Variants in ITPRID2 observed in about 807,000 individuals in gnomAD.
ITPRID2 encodes the protein ITPR interacting domain containing 2.
A neutral mutation model predicts 124.3 loss-of-function variants in ITPRID2; 60 were observed. The ratio of observed to expected loss-of-function variants is 0.48; its 90% CI spans 0.39 to 0.60. The LOEUF (loss-of-function observed/expected upper bound fraction) is 0.60, where lower values mean the gene tolerates loss of function less well. Ranked by LOEUF, ITPRID2 falls within the 20% of genes least tolerant of loss-of-function variation. ITPRID2 has a pLI of 0.00. For missense variants in ITPRID2, 1,553 were observed against 1,512.2 expected, an observed-to-expected ratio of 1.03 and a Z score of -0.45; for synonymous variants, 521 against 542.9, an observed-to-expected ratio of 0.96 and a Z score of 0.56.
chr2:181,928,504 C>G (rs1448611173), intron 17 of ITPRID2, among the ~76,000 whole-genome samples: 1 of 152,116 alleles, frequency 6.6e-6, no homozygotes, highest in African/African-American at 2.4e-5. Flanking sequence ...GGTCATTCTA[C>G]TGAAATTTCA....
intron 10 of ITPRID2, 119 bp from the exon 11 acceptor site, chr2:181,915,097 G>T: frequency 8.4e-7 from 1 of 1,185,586 alleles, no homozygotes; most frequent in Non-Finnish European, 1.2e-6. Flanking sequence ...TTGAGCAACA[G>T]CAGGGCCACA....
intron 9 of ITPRID2, among the ~76,000 whole-genome samples, chr2:181,912,471 AATG>A (rs1320128761): frequency 6.6e-6 from 1 of 152,228 alleles, no homozygotes; most frequent in Non-Finnish European, 1.5e-5. Flanking sequence ...TTACTATCAA[AATG>A]ATATTACAAA....
chr2:181,896,144 A>T lies in ITPRID2; in HGVS notation c.307+65A>T, dbSNP rs1459879150. The stretch of plus-strand genomic sequence containing the variant: ...AGTTCTACTTCTTTGTCCTCTGGGT[A>T]AAAGTGTATATATGACTTATAAAAG... On this transcript the variant is annotated intron_variant, in intron 3 of 17. Transcript: ENST00000431877. The surrounding 1 kb of genome is among the most constrained non-coding windows in gnomAD (Gnocchi z 4.3). The T allele has an allele frequency of 7.3e-7, 1 of 1,368,896 alleles. No individual in the cohort carries two copies. Among genetic ancestry groups the T allele is most frequent in the African/African-American group, 1.4e-5 (1 of 69,836 alleles). The allele number at this position is 1,368,896 out of a possible 1,614,324, so 84.8% of individuals were successfully genotyped here. A position where few individuals can be genotyped will look rare whatever the true frequency, so the allele number is the denominator to read the frequency against.
At chr2:181,922,572 A>G (rs918016754) in intron 16 of ITPRID2, among the ~76,000 whole-genome samples, 160 bp downstream of exon 16, 2 of 152,326 alleles carry the variant, frequency 1.3e-5, no homozygotes, top group South Asian at 2.1e-4. Flanking sequence ...GTTTGTGTCA[A>G]TTAAGATATA....
At chr2:181,895,974 C>T in intron 2 of ITPRID2, 56 bp from the exon 3 acceptor site, 1 of 1,491,016 alleles carries the variant, frequency 6.7e-7, no homozygotes, top group Non-Finnish European at 9.3e-7. Context: ...TGTGTAATGA[C>T]AACTTTCCAA....
chr2:181,928,774 A>C (rs536460473), intron 17 of ITPRID2, among the ~76,000 whole-genome samples: 1,903 of 152,062 alleles, frequency 0.013, 21 homozygotes, highest in Non-Finnish European at 0.017. Context: ...TACAGGCGCC[A>C]GCCACTACGC....
chr2:181,907,265 A>G lies in ITPRID2; in HGVS notation c.1414-2634A>G, dbSNP rs575254574. 2.6e-5 allele frequency among the ~76,000 whole-genome samples: 4 copies of G among 152,304 alleles called. No individual in the cohort carries two copies. Among genetic ancestry groups the G allele is most frequent in the Admixed American group, 1.3e-4 (2 of 15,290 alleles). On this transcript the variant is annotated intron_variant, in intron 8 of 17. Coordinates refer to ENST00000431877, the MANE Select transcript of ITPRID2 (RefSeq NM_001130445.3). This position sits in a 1 kb window ranked among gnomAD's most constrained non-coding sequence, Gnocchi z 5.1. ...AAAAAGTACATTTTTTAAACAAGAG[A>G]AAGAAACCAAAGTGAGTGCCTGTCA...
rs1196489596 is a variant in ITPRID2 at position 181,892,190 on chromosome 2, C to T, written c.124C>T (p.Leu42=). The stretch of plus-strand genomic sequence containing the variant: ...CTGGCAAGCGTCGGAGACGGAGGAT[C>T]TGTCCACAGAAGCGACGACGCAGGA... ...SSWQASETED[L]STEATTQDEE... is the part of the protein sequence containing the mutation. Residue 42 remains leucine (L), a synonymous_variant, in exon 1 of 18, where the codon CTG becomes TTG. Coordinates refer to ENST00000431877, the MANE Select transcript of ITPRID2 (RefSeq NM_001130445.3). The surrounding 1 kb of genome is among the most constrained non-coding windows in gnomAD (Gnocchi z 5.2). 1 of 1,553,212 alleles carries T rather than the reference C, an allele frequency of 6.4e-7. No individual in the cohort carries two copies. The highest frequency in any genetic ancestry group is 1.4e-5 in the African/African-American group (1 of 73,204).
rs751752938 is a variant in ITPRID2, at chr2:181,901,927, GC to G, written c.875del (p.Ala292GlufsTer4). The G allele has an allele frequency of 2.3e-5, 37 of 1,613,834 alleles. No homozygotes were observed. The highest frequency in any genetic ancestry group is 2.9e-5 in the Non-Finnish European group (34 of 1,179,886). Reference sequence around the variant, plus strand: ...TCCACCTTTAACTCGAAGTAACACTGCAAATCGTTTAATGAAAACACTCTCA... The same window carrying G: ...TCCACCTTTAACTCGAAGTAACACTGAAATCGTTTAATGAAAACACTCTCA... ...PPPPLTRSNTANRLMKTLSKL... is the reference protein window; with the variant it reads ...PPPPLTRSNTXNRLMKTLSKL... On this transcript the variant is annotated frameshift_variant, in exon 8 of 18. Coordinates refer to ENST00000431877, the MANE Select transcript of ITPRID2 (RefSeq NM_001130445.3). LOFTEE classifies it high-confidence loss of function.
chr2:181,905,799 G>T lies in ITPRID2; in HGVS notation c.1413+3333G>T, dbSNP rs1281090293. Among the ~76,000 whole-genome samples the T allele has an allele frequency of 6.6e-6, 1 of 152,078 alleles. No individual in the cohort carries two copies. The highest frequency in any genetic ancestry group is 2.4e-5 in the African/African-American group (1 of 41,422). On this transcript the variant is annotated intron_variant, in intron 8 of 17. Transcript: ENST00000431877. This position sits in a 1 kb window ranked among gnomAD's most constrained non-coding sequence, Gnocchi z 4.1. Reference sequence around the variant, plus strand: ...CTGTTAAGTTTTAGGATTTTTCTATGTTTATTGGTCTGAGTTAAAATAATC... The same window carrying T: ...CTGTTAAGTTTTAGGATTTTTCTATTTTTATTGGTCTGAGTTAAAATAATC...
rs1692032765 is a variant in ITPRID2, at chr2:181,894,609, A to G, written c.258-1421A>G. 3 of 152,150 alleles carry G rather than the reference A, an allele frequency of 2.0e-5. No homozygotes were observed. In the South Asian group the frequency reaches 6.2e-4, roughly 31 times the overall value. 9.4% of individuals were successfully genotyped at this position (152,150 alleles called of 1,614,324 possible). On this transcript the variant is annotated intron_variant, in intron 2 of 17. Transcript: ENST00000431877. Reference sequence around the variant, plus strand: ...TATGTACAAATGACCTGAAGACAGCATTTTACCCACTTGATAAGTTCTCAA... The same window carrying G: ...TATGTACAAATGACCTGAAGACAGCGTTTTACCCACTTGATAAGTTCTCAA...
chr2:181,928,215 G>A lies in ITPRID2; in HGVS notation c.3730G>A (p.Ala1244Thr), dbSNP rs758483606. Residue 1244 changes from alanine to threonine, a missense_variant, in exon 17 of 18, where the codon GCA (alanine) becomes ACA (threonine). Transcript: ENST00000431877. ...IRREIVSGLL[A>T]AVSSSKASNS... ...ACGGGAAATTGTAAGTGGACTTTTG[G>A]CAGCAGTATCTTCAAGTAAAGCGTC... 4 of 1,550,960 alleles carry A rather than the reference G, an allele frequency of 2.6e-6. No homozygotes were observed. The highest frequency in any genetic ancestry group is 2.6e-6 in the Non-Finnish European group (3 of 1,146,616).
chr2:181,918,764 C>A lies in ITPRID2; in HGVS notation c.2875C>A (p.Gln959Lys), dbSNP rs557678473. Residue 959 changes from glutamine to lysine, a missense_variant, in exon 13 of 18, where the codon CAG becomes AAG. Transcript: ENST00000431877. ...TTATATTGCATTCTAGAATACTTTT[C>A]AGGAGCTCCAGGTAATGAGGCGGAG... ...SVLPLYENTFQELQVMRRSLN... is the reference protein window; with the variant it reads ...SVLPLYENTFKELQVMRRSLN... The A allele has an allele frequency of 9.9e-6, 16 of 1,613,910 alleles. No homozygotes were observed. The East Asian group carries it at 1.1e-4, about 11-fold the overall frequency.
At chr2:181,908,768 T>C (rs191554439) in intron 8 of ITPRID2, among the ~76,000 whole-genome samples, 14 of 152,326 alleles carry the variant, frequency 9.2e-5, no homozygotes, top group East Asian at 1.9e-4. Context: ...TTCACTCTTA[T>C]TCCTTTGGAA....
rs1193639917 is a variant in ITPRID2 at position 181,892,128 on chromosome 2, G to A, written c.62G>A (p.Ser21Asn). The stretch of plus-strand genomic sequence containing the variant: ...GAGGAACTGGAGTGGCAAGTGGCGA[G>A]TCGCAGGAGGAAGGCCTGGGCCAAG... ...AEEELEWQVA[S>N]RRRKAWAKCR... Residue 21 changes from serine (S) to asparagine (N), a missense_variant, in exon 1 of 18, where the codon AGT (serine) becomes AAT (asparagine). By Grantham distance (46) the Ser-to-Asn change is conservative (BLOSUM62 1). Coordinates refer to ENST00000431877, the MANE Select transcript of ITPRID2 (RefSeq NM_001130445.3). The surrounding 1 kb of genome is among the most constrained non-coding windows in gnomAD (Gnocchi z 5.2). The A allele has an allele frequency of 1.9e-6, 3 of 1,558,680 alleles. No individual in the cohort carries two copies. Among genetic ancestry groups the A allele is most frequent in the African/African-American group, 2.7e-5 (2 of 73,646 alleles).
chr2:181,903,394 C>T (rs1301292660), intron 8 of ITPRID2, among the ~76,000 whole-genome samples: 4 of 152,060 alleles, frequency 2.6e-5, no homozygotes, highest in Admixed American at 2.0e-4. Flanking sequence ...ACATTAGATG[C>T]GTTTTAGTAA....
In ITPRID2 at chr2:181,891,761, G is replaced by T. The variant is rs1196025491; in HGVS notation, c.-306G>T. 6.0e-6 allele frequency: 1 copy of T among 166,982 alleles called. No homozygotes were observed. The highest frequency in any genetic ancestry group is 1.3e-5 in the Non-Finnish European group (1 of 78,816). 10.3% of individuals were successfully genotyped at this position (166,982 alleles called of 1,614,324 possible). A position where few individuals can be genotyped will look rare whatever the true frequency, so the allele number is the denominator to read the frequency against. Reference sequence around the variant, plus strand: ...GCAGCGGCCGGCCTGCTCCGGGCGCGTCAGGCAGGGGGTGGGGAGCAGGGG... The same window carrying T: ...GCAGCGGCCGGCCTGCTCCGGGCGCTTCAGGCAGGGGGTGGGGAGCAGGGG... On this transcript the variant is annotated 5_prime_UTR_variant, in exon 1 of 18. Transcript: ENST00000431877.
Position 181,892,322 on chromosome 2 carries a change from GGA to G in ITPRID2, c.211+49_211+50del. The G allele has an allele frequency of 2.7e-6, 4 of 1,504,688 alleles. No individual in the cohort carries two copies. The South Asian group carries it at 3.8e-5, about 14-fold the overall frequency. The allele number at this position is 1,504,688 out of a possible 1,614,324, so 93.2% of individuals were successfully genotyped here. ...CTCCGGGGGGAGGCTGGTGGGCTGG[GGA>G]GAGTCTCGTGCGCCCTGGGCGCCTG... On this transcript the variant is annotated intron_variant, in intron 1 of 17. Transcript: ENST00000431877. This position sits in a 1 kb window ranked among gnomAD's most constrained non-coding sequence, Gnocchi z 5.2.
At chr2:181,899,874 G>A (rs988300812) in intron 6 of ITPRID2, among the ~76,000 whole-genome samples, 3 of 152,030 alleles carry the variant, frequency 2.0e-5, no homozygotes, top group East Asian at 1.9e-4. Flanking sequence ...TCTCCCGCCC[G>A]CACATATAGT....
Sources: gnomAD v4.1 joint callset for allele counts (sites outside exome capture counted in the v4.1 genomes callset) on GRCh38, gnomAD v4.1.1 for gene constraint, Gnocchi (gnomAD v3.1) non-coding constraint, MANE v1.5 for transcripts, NCBI Gene and HGNC (gene_info 2026-07-23, HGNC 2026-07-21) for gene names.